PTPRD: variants seen among roughly 807,000 people sequenced by gnomAD.
The protein encoded by PTPRD is protein tyrosine phosphatase receptor type D.
A neutral mutation model predicts 214.5 loss-of-function variants in PTPRD; 34 were observed. The ratio of observed to expected loss-of-function variants is 0.16; its 90% CI spans 0.12 to 0.21. The LOEUF is 0.21. Ranked by LOEUF, PTPRD falls within the 10% of genes least tolerant of loss-of-function variation. The pLI, the probability that PTPRD is intolerant of heterozygous loss-of-function variation, is 1.00. For synonymous variants in PTPRD, 1,128 were observed against 845.7 expected, an observed-to-expected ratio of 1.33 and a Z score of -5.79; for missense variants, 2,545 against 2,398.7, an observed-to-expected ratio of 1.06 and a Z score of -1.27.
At chr9:8,995,985 A>C (rs1567477392) in intron 11 of PTPRD, among the ~76,000 whole-genome samples, 2 of 152,116 alleles carry the variant, frequency 1.3e-5, no homozygotes, top group Non-Finnish European at 2.9e-5. Flanking sequence ...GGAATGACTG[A>C]ACCATAAAAT....
At chr9:9,981,307 G>A (rs1174874407) in intron 4 of PTPRD, among the ~76,000 whole-genome samples, 1 of 151,018 alleles carries the variant, frequency 6.6e-6, no homozygotes, top group East Asian at 1.9e-4. Context: ...CAACATGTAT[G>A]GCCAATAACA....
At chr9:9,625,181 ATC>A (rs2095380739) in intron 7 of PTPRD, among the ~76,000 whole-genome samples, 1 of 152,150 alleles carries the variant, frequency 6.6e-6, no homozygotes, top group South Asian at 2.1e-4. Context: ...ATTCTATGAC[ATC>A]TCCTTCTAAA....
chr9:9,714,839 T>A (rs575385369), intron 7 of PTPRD, among the ~76,000 whole-genome samples: 1 of 152,314 alleles, frequency 6.6e-6, no homozygotes, highest in South Asian at 2.1e-4. Flanking sequence ...AGATGCTCAA[T>A]ATTCCTTTCC....
Position 9,968,074 on chromosome 9 carries a change from A to C in PTPRD, c.-471-29464T>G, listed in dbSNP as rs989477371. On this transcript the variant is annotated intron_variant, in intron 4 of 45. Transcript: ENST00000381196. ...ATGACTAAATGTACACAGGTCCATT[A>C]CTTTAAAGATTTTGGACTAGGTAAA... Among the ~76,000 whole-genome samples the C allele has an allele frequency of 2.0e-5, 3 of 152,220 alleles. 1 individual carries two copies. The highest frequency in any genetic ancestry group is 2.9e-5 in the Non-Finnish European group (2 of 68,030).
intron 11 of PTPRD, among the ~76,000 whole-genome samples, chr9:9,009,855 T>C (rs1420942434): frequency 6.6e-6 from 1 of 152,054 alleles, no homozygotes; most frequent in African/African-American, 2.4e-5. Flanking sequence ...CTAATCTTCA[T>C]AAATTCTCTC....
intron 4 of PTPRD, among the ~76,000 whole-genome samples, chr9:9,989,333 C>T (rs2095832884): frequency 6.6e-6 from 1 of 152,114 alleles, no homozygotes. Context: ...CCCTAGCCTT[C>T]TCTGCCCCCA....
chr9:8,495,887 C>G (rs1025822986), intron 26 of PTPRD, among the ~76,000 whole-genome samples: 10 of 152,110 alleles, frequency 6.6e-5, no homozygotes, highest in Non-Finnish European at 1.0e-4. Context: ...GTCTTGCCAG[C>G]CTTTAACTCA....
chr9:10,052,934 AT>A (rs1437101871), intron 3 of PTPRD, among the ~76,000 whole-genome samples: 2 of 152,102 alleles, frequency 1.3e-5, no homozygotes, highest in African/African-American at 4.8e-5. Context: ...TGAAGAGTAT[AT>A]TTTTTATATT....
intron 36 of PTPRD, among the ~76,000 whole-genome samples, chr9:8,398,848 A>G (rs552532862): frequency 5.3e-5 from 8 of 152,272 alleles, no homozygotes; most frequent in African/African-American, 1.9e-4. Flanking sequence ...ATAAATTTGT[A>G]TGGTTTATAA....
intron 5 of PTPRD, among the ~76,000 whole-genome samples, chr9:9,849,082 G>A (rs1271854631): frequency 6.6e-6 from 1 of 151,672 alleles, no homozygotes; most frequent in Non-Finnish European, 1.5e-5. Context: ...TTTACCCTAT[G>A]TTTTTAAATA....
chr9:9,347,921 C>A (rs368867265), intron 9 of PTPRD, among the ~76,000 whole-genome samples: 1 of 152,084 alleles, frequency 6.6e-6, no homozygotes, highest in Non-Finnish European at 1.5e-5. Flanking sequence ...TGCTTATGTC[C>A]TTTTCAGACA....
intron 8 of PTPRD, among the ~76,000 whole-genome samples, chr9:9,458,801 G>T (rs980617236): frequency 2.6e-5 from 4 of 152,086 alleles, no homozygotes; most frequent in Non-Finnish European, 5.9e-5. Flanking sequence ...TTAGCTGAGT[G>T]TGGTGGTGTA....
chr9:9,785,636 G>A (rs1365830004), intron 5 of PTPRD, among the ~76,000 whole-genome samples: 3 of 151,992 alleles, frequency 2.0e-5, no homozygotes, highest in Non-Finnish European at 4.4e-5. Flanking sequence ...CTAAGGAAAT[G>A]GAGCATTTAA....
At chr9:10,335,657 A>T (rs2096832272) in intron 3 of PTPRD, among the ~76,000 whole-genome samples, 2 of 151,784 alleles carry the variant, frequency 1.3e-5, no homozygotes, top group South Asian at 4.1e-4. Flanking sequence ...ATGAAAAGAC[A>T]AGCCAGTGAC....
At chr9:10,019,291 G>T (rs1315925775) in intron 4 of PTPRD, among the ~76,000 whole-genome samples, 1 of 152,180 alleles carries the variant, frequency 6.6e-6, no homozygotes, top group African/African-American at 2.4e-5. Flanking sequence ...GGGCTGGAGA[G>T]GATGTGGAGA....
intron 2 of PTPRD, among the ~76,000 whole-genome samples, chr9:10,491,707 G>C (rs933287200): frequency 3.3e-5 from 5 of 151,544 alleles, no homozygotes; most frequent in Non-Finnish European, 1.5e-5. Flanking sequence ...AATTTTCAGG[G>C]TTTCTTTCTT....
At chr9:8,594,227 T>G (rs1457512418) in intron 14 of PTPRD, among the ~76,000 whole-genome samples, 1 of 152,146 alleles carries the variant, frequency 6.6e-6, no homozygotes. Context: ...AAATGTTTTA[T>G]CCTCTACTCC....
chr9:8,731,434 A>ACAT (rs753867992), intron 12 of PTPRD, among the ~76,000 whole-genome samples: 10 of 152,230 alleles, frequency 6.6e-5, no homozygotes, highest in Non-Finnish European at 1.3e-4. Context: ...TGTGCTAATG[A>ACAT]AGGCATAAGA....
intron 3 of PTPRD, among the ~76,000 whole-genome samples, chr9:10,043,259 T>C (rs1404321372): frequency 1.3e-5 from 2 of 151,948 alleles, no homozygotes; most frequent in Non-Finnish European, 2.9e-5. Context: ...TAGTATCTTA[T>C]TAGTTAAATA....
Sources: allele counts gnomAD v4.1 joint callset (sites outside exome capture counted in the v4.1 genomes callset), GRCh38; gene constraint gnomAD v4.1.1; transcripts MANE v1.5; gene names NCBI Gene and HGNC (gene_info 2026-07-23, HGNC 2026-07-21).